The following DACH1 variants were observed in gnomAD, a reference collection of about 807,000 sequenced individuals.
The protein encoded by DACH1 is dachshund homolog 1.
A neutral mutation model predicts 54.2 loss-of-function variants in DACH1; 12 were observed. That is an observed-to-expected ratio of 0.22 (90% CI 0.14 to 0.36). The LOEUF (loss-of-function observed/expected upper bound fraction) is 0.36, where lower values mean the gene tolerates loss of function less well. DACH1 is among the 10% of genes least tolerant of loss of function. The pLI is 1.00. For synonymous variants in DACH1, 386 were observed against 366.2 expected, an observed-to-expected ratio of 1.05 and a Z score of -0.62; for missense variants, 805 against 929.8, an observed-to-expected ratio of 0.87 and a Z score of 1.75.
At position 71,657,444 on chromosome 13, in the gene DACH1, G is replaced by T. The variant is rs143618319; in HGVS notation, c.964+24351C>A. On this transcript the variant is annotated intron_variant, in intron 2 of 10. Coordinates refer to ENST00000613252, the MANE Select transcript of DACH1 (RefSeq NM_080759.6). ...AAGGTCAGGAGGTTGAGGCCACACT[G>T]AGCCAGTGATCACACCACTGCACTC... is the stretch of plus-strand genomic sequence containing the variant. Among the ~76,000 whole-genome samples, 801 of 152,000 alleles carry T rather than the reference G, an allele frequency of 5.3e-3. 7 individuals carry two copies. Among genetic ancestry groups the T allele is most frequent in the African/African-American group, 0.018 (743 of 41,460 alleles).
chr13:71,826,739 G>C (rs1888398765), intron 1 of DACH1, among the ~76,000 whole-genome samples: 1 of 151,972 alleles, frequency 6.6e-6, no homozygotes, highest in Admixed American at 6.6e-5. Flanking sequence ...CTTTATATAT[G>C]TATATTCCGA....
intron 6 of DACH1, among the ~76,000 whole-genome samples, chr13:71,534,288 G>A (rs987599325): frequency 5.9e-5 from 9 of 151,600 alleles, no homozygotes; most frequent in Admixed American, 5.9e-4. Flanking sequence ...TACATAAATC[G>A]AAGGAAAAAT....
intron 1 of DACH1, among the ~76,000 whole-genome samples, chr13:71,822,565 C>A (rs554150859): frequency 6.6e-6 from 1 of 152,082 alleles, no homozygotes; most frequent in African/African-American, 2.4e-5. Flanking sequence ...GCAAACTTTC[C>A]TCGATTAGCG....
intron 1 of DACH1, among the ~76,000 whole-genome samples, chr13:71,686,985 G>A (rs1019760418): frequency 1.3e-5 from 2 of 152,196 alleles, no homozygotes; most frequent in African/African-American, 4.8e-5. Context: ...AATCTGTGGG[G>A]TAAGTGCAGC....
At chr13:71,849,030 A>G (rs1315460367) in intron 1 of DACH1, among the ~76,000 whole-genome samples, 1 of 152,200 alleles carries the variant, frequency 6.6e-6, no homozygotes, top group East Asian at 1.9e-4. Flanking sequence ...CGGTGTCTAT[A>G]CATTAGTTAA....
At chr13:71,656,086 G>C (rs377499468) in intron 2 of DACH1, among the ~76,000 whole-genome samples, 5 of 152,068 alleles carry the variant, frequency 3.3e-5, no homozygotes, top group African/African-American at 1.2e-4. Context: ...TTGGGTATTG[G>C]GCTTTATTTA....
At chr13:71,526,759 A>C (rs773911436) in intron 6 of DACH1, among the ~76,000 whole-genome samples, 6 of 151,030 alleles carry the variant, frequency 4.0e-5, no homozygotes, top group Non-Finnish European at 8.9e-5. Context: ...AACTAATACA[A>C]AGAATGCTTA....
chr13:71,704,610 G>T (rs773985359), intron 1 of DACH1: 96 of 442,340 alleles, frequency 2.2e-4, no homozygotes, highest in Non-Finnish European at 4.0e-4. Flanking sequence ...CCCATGGCAG[G>T]GAGCCTGAGC....
intron 1 of DACH1, among the ~76,000 whole-genome samples, chr13:71,854,443 C>T (rs1873869256): frequency 6.6e-6 from 1 of 152,062 alleles, no homozygotes; most frequent in South Asian, 2.1e-4. Flanking sequence ...ATAAGGATTA[C>T]TCTACTTTTA....
At chr13:71,854,519 G>A (rs182118264) in intron 1 of DACH1, among the ~76,000 whole-genome samples, 45 of 152,080 alleles carry the variant, frequency 3.0e-4, no homozygotes, top group Non-Finnish European at 5.0e-4. Flanking sequence ...AGTTTTTAAC[G>A]TGTCTTTATT....
intron 2 of DACH1, among the ~76,000 whole-genome samples, chr13:71,638,106 T>C (rs1877622925): frequency 6.6e-6 from 1 of 152,226 alleles, no homozygotes; most frequent in Non-Finnish European, 1.5e-5. Flanking sequence ...GACTTGTTAT[T>C]AGTTTGTGTT....
intron 1 of DACH1, among the ~76,000 whole-genome samples, chr13:71,805,051 C>G (rs1461463134): frequency 2.6e-5 from 4 of 152,148 alleles, no homozygotes; most frequent in Non-Finnish European, 4.4e-5. Flanking sequence ...TTTAGCTCTT[C>G]AATTATACTT....
chr13:71,618,030 A>G (rs1204695927), intron 3 of DACH1, among the ~76,000 whole-genome samples: 1 of 152,144 alleles, frequency 6.6e-6, no homozygotes, highest in Non-Finnish European at 1.5e-5. Flanking sequence ...AGTCAACCGT[A>G]AGTGACTATG....
Position 71,487,699 on chromosome 13 carries a change from C to A in DACH1, c.1722+1298G>T, listed in dbSNP as rs370699653. On this transcript the variant is annotated intron_variant, in intron 7 of 10. Coordinates refer to ENST00000613252, the MANE Select transcript of DACH1 (RefSeq NM_080759.6). The stretch of plus-strand genomic sequence containing the variant: ...TAAAGAGCTTTCAGTTAATGACAAT[C>A]CATGCAAATAGCTTTTCTTTTGCTT... Among the ~76,000 whole-genome samples the A allele has an allele frequency of 5.9e-5, 9 of 152,254 alleles. No homozygotes were observed. The East Asian group carries it at 7.7e-4, about 13-fold the overall frequency.
intron 10 of DACH1, among the ~76,000 whole-genome samples, chr13:71,470,143 T>C (rs2138159685): frequency 6.6e-6 from 1 of 152,332 alleles, no homozygotes; most frequent in East Asian, 1.9e-4. Flanking sequence ...GTAAGTGAAA[T>C]ATCAATTTAA....
rs572445933 is a variant in DACH1 at position 71,655,473 on chromosome 13, C to T, written c.965-24756G>A. 5.0e-3 allele frequency among the ~76,000 whole-genome samples: 757 copies of T among 150,958 alleles called. 7 individuals are homozygous for T. The highest frequency in any genetic ancestry group is 0.016 in the African/African-American group (661 of 41,094). On this transcript the variant is annotated intron_variant, in intron 2 of 10. Transcript: ENST00000613252. ...GCAACCTCTGCCTCCCAGGTTCAAGCGATTCTCCTGCCTCAGCCTCCCGAG... is the reference window on the plus strand; with the variant it reads ...GCAACCTCTGCCTCCCAGGTTCAAGTGATTCTCCTGCCTCAGCCTCCCGAG...
intron 7 of DACH1, among the ~76,000 whole-genome samples, chr13:71,479,833 C>T (rs1344245863): frequency 4.6e-5 from 7 of 152,112 alleles, no homozygotes; most frequent in Admixed American, 2.0e-4. Context: ...TCTGCCCCCA[C>T]GGACTTTGCT....
chr13:71,495,232 C>T (rs1593785527), intron 6 of DACH1, among the ~76,000 whole-genome samples: 1 of 152,026 alleles, frequency 6.6e-6, no homozygotes, highest in Non-Finnish European at 1.5e-5. Context: ...GAAAATATCT[C>T]CATGTTTAAT....
In DACH1 at chr13:71,572,903, T is replaced by C. The variant is rs953901055; in HGVS notation, c.1236A>G (p.Ala412=). The C allele has an allele frequency of 5.0e-6, 8 of 1,613,976 alleles. No homozygotes were observed. Among genetic ancestry groups the C allele is most frequent in the Non-Finnish European group, 6.8e-6 (8 of 1,179,976 alleles). The change falls in exon 4 of 11, where the codon GCA becomes GCG. Residue 412 remains alanine, a synonymous_variant. Transcript: ENST00000613252. ...MSQMNHLSTI[A]NMAAAAQVQS... ...GAACTTGTGCTGCTGCTGCCATATT[T>C]GCAATGGTGCTGAGGTGGTTCATCT...
Sources: allele counts gnomAD v4.1 joint callset (sites outside exome capture counted in the v4.1 genomes callset), GRCh38; gene constraint gnomAD v4.1.1; transcripts MANE v1.5; gene names NCBI Gene and HGNC (gene_info 2026-07-23, HGNC 2026-07-21).